Variants in EPHA1 observed in about 807,000 individuals in gnomAD.
EPHA1 encodes EPH receptor A1, also known as ephrin type-A receptor 1.
In EPHA1, 92 loss-of-function variants were observed where a neutral mutation model predicts 110.1. The observed-to-expected ratio is 0.84, with a 90% CI of 0.71 to 0.99. EPHA1 has a LOEUF of 0.99. Among genes scored for constraint, EPHA1 ranks in the 50% least tolerant of loss-of-function variants. The pLI, the probability that EPHA1 is intolerant of heterozygous loss-of-function variation, is 0.00. For missense variants in EPHA1, 1,204 were observed against 1,285.4 expected (o/e 0.94, Z 0.97); for synonymous variants, 500 against 516.1 (o/e 0.97, Z 0.42).
At chr7:143,397,407 T>C in intron 9 of EPHA1, 45 bp from the exon 10 acceptor site, 1 of 1,548,670 alleles carries the variant, frequency 6.5e-7, no homozygotes, top group South Asian at 1.2e-5. Context: ...CAGGACCACC[T>C]CAGGGGTCCG....
At chr7:143,392,963 A>G (rs1805133602) in intron 16 of EPHA1, among the ~76,000 whole-genome samples, 2 of 151,190 alleles carry the variant, frequency 1.3e-5, no homozygotes, top group Non-Finnish European at 3.0e-5. Context: ...AAAAACAACA[A>G]CTCTGCACTC....
At position 143,398,195 on chromosome 7, in the gene EPHA1, C is replaced by T. The variant is rs928038133; in HGVS notation, c.1465-125G>A. 6.3e-6 allele frequency: 10 copies of T among 1,575,004 alleles called. No individual in the cohort carries two copies. The African/African-American group carries it at 1.2e-4, about 19-fold the overall frequency. ...TGGTTAGGACAGGGTTCTTCATAGA[C>T]TTTTGTCCTGAGAAAGCCACACAGT... On this transcript the variant is annotated intron_variant, in intron 7 of 17. Coordinates refer to ENST00000275815, the MANE Select transcript of EPHA1 (RefSeq NM_005232.5).
At chr7:143,397,234 A>C in intron 10 of EPHA1, 70 bp downstream of exon 10, 1 of 1,456,990 alleles carries the variant, frequency 6.9e-7, no homozygotes, top group South Asian at 1.3e-5. Context: ...GGCATCTCCC[A>C]ACACACACAC....
Position 143,398,501 on chromosome 7 carries a change from T to C in EPHA1, c.1337-53A>G. 2.5e-6 allele frequency: 4 copies of C among 1,611,640 alleles called. No homozygotes were observed. In the South Asian group the frequency reaches 4.4e-5, roughly 18 times the overall value. On this transcript the variant is annotated intron_variant, in intron 6 of 17. Transcript: ENST00000275815. ...TATGTAAGGAAAAAGGAAATAACCT[T>C]AGTAACTTTTCTATGGCTTCCTGCC...
Position 143,401,679 on chromosome 7 carries a change from G to T in EPHA1, c.151-74C>A. 6.5e-7 allele frequency: 1 copy of T among 1,539,654 alleles called. No individual in the cohort carries two copies. Among genetic ancestry groups the T allele is most frequent in the South Asian group, 1.2e-5 (1 of 81,592 alleles). On this transcript the variant is annotated intron_variant, in intron 2 of 17. Coordinates refer to ENST00000275815, the MANE Select transcript of EPHA1 (RefSeq NM_005232.5). This position sits in a 1 kb window ranked among gnomAD's most constrained non-coding sequence, Gnocchi z 4.1. Reference sequence around the variant, plus strand: ...AAACCCTTGGTTTTTAGAGCTGATGGAGAAGCAGCTGTGTCAGAGCCCCTC... The same window carrying T: ...AAACCCTTGGTTTTTAGAGCTGATGTAGAAGCAGCTGTGTCAGAGCCCCTC...
In EPHA1 at chr7:143,397,331, G is replaced by A. The variant is rs574748801; in HGVS notation, c.1744C>T (p.Arg582Cys). 1.0e-5 allele frequency: 16 copies of A among 1,549,494 alleles called. No homozygotes were observed. The highest frequency in any genetic ancestry group is 2.0e-5 in the Admixed American group (1 of 50,994). Residue 582 changes from arginine (R) to cysteine (C), a missense_variant, in exon 10 of 18, where the codon CGT becomes TGT. Arg to Cys is a radical substitution (Grantham distance 180). Coordinates refer to ENST00000275815, the MANE Select transcript of EPHA1 (RefSeq NM_005232.5). Reference protein sequence around the residue: ...RAQRQRQQRQRDRATDVDRED... With the variant: ...RAQRQRQQRQCDRATDVDRED... ...CGATCCACATCGGTGGCGCGGTCAC[G>A]CTGCCTCTGCTGCCTCTGCCGCTGG...
rs369972132 is a variant in EPHA1, at chr7:143,395,745, T to C, written c.1898-241A>G. On this transcript the variant is annotated intron_variant, in intron 11 of 17. Transcript: ENST00000275815. This position sits in a 1 kb window ranked among gnomAD's most constrained non-coding sequence, Gnocchi z 4.7. ...TGTTTGCACAGTTCTTGGCTCACAATAGGCGCTCGGCAACTGCAGGGTGAA... is the reference window on the plus strand; with the variant it reads ...TGTTTGCACAGTTCTTGGCTCACAACAGGCGCTCGGCAACTGCAGGGTGAA... 9.0e-6 allele frequency: 5 copies of C among 555,388 alleles called. No individual in the cohort carries two copies. Among genetic ancestry groups the C allele is most frequent in the Non-Finnish European group, 1.3e-5 (4 of 311,588 alleles). 34.4% of individuals were successfully genotyped at this position (555,388 alleles called of 1,614,324 possible). A position where few individuals can be genotyped will look rare whatever the true frequency, so the allele number is the denominator to read the frequency against.
rs111459332 is a variant in EPHA1, at chr7:143,392,078, CCTGA to C, written c.2697-307_2697-304del. Among the ~76,000 whole-genome samples the C allele has an allele frequency of 2.1e-3, 324 of 152,284 alleles. 3 individuals are homozygous for C. The highest frequency in any genetic ancestry group is 7.3e-3 in the African/African-American group (305 of 41,548). ...CTGCTGGAGTGGCCGGTTCTGGGCACCTGACTGAGGGCTGGTTAAGACATGGAAG... is the reference window on the plus strand; with the variant it reads ...CTGCTGGAGTGGCCGGTTCTGGGCACCTGAGGGCTGGTTAAGACATGGAAG... On this transcript the variant is annotated intron_variant, in intron 16 of 17. Transcript: ENST00000275815.
At chr7:143,407,436 A>AC (rs1198359601) in intron 2 of EPHA1, among the ~76,000 whole-genome samples, 175 bp downstream of exon 2, 6 of 148,082 alleles carry the variant, frequency 4.1e-5, no homozygotes, top group Middle Eastern at 3.4e-3. Context: ...GTGAAGTCTG[A>AC]CCCCCCCACC....
intron 3 of EPHA1, among the ~76,000 whole-genome samples, chr7:143,400,441 C>T (rs1361717424): frequency 3.3e-5 from 5 of 152,162 alleles, no homozygotes; most frequent in African/African-American, 7.2e-5. Context: ...TAGAGCATAT[C>T]GTTATCAATT....
chr7:143,399,116 G>A, intron 5 of EPHA1, 142 bp downstream of exon 5: 2 of 1,248,394 alleles, frequency 1.6e-6, no homozygotes, highest in Non-Finnish European at 2.3e-6. Flanking sequence ...AGAGCAGGGT[G>A]CCAGGGCAGG....
At chr7:143,392,393 C>T (rs1222638241) in intron 16 of EPHA1, among the ~76,000 whole-genome samples, 4 of 152,114 alleles carry the variant, frequency 2.6e-5, no homozygotes, top group African/African-American at 9.7e-5. Context: ...GAGGGAGTTG[C>T]GCTCCAAAAG....
rs767549605 is a variant in EPHA1, at chr7:143,391,714, C to CA, written c.2757dup (p.Glu920Ter). 15 of 1,613,924 alleles carry CA rather than the reference C, an allele frequency of 9.3e-6. No individual in the cohort carries two copies. Among genetic ancestry groups the CA allele is most frequent in the Non-Finnish European group, 1.2e-5 (14 of 1,180,034 alleles). On this transcript the variant is annotated frameshift_variant, in exon 17 of 18. Transcript: ENST00000275815. LOFTEE classifies it high-confidence loss of function. ...TTCATGCGTATGGACTCGAGCCACT[C>CA]AGAGACGGTTCGATATGGGATCCCA...
Position 143,399,657 on chromosome 7 carries a change from A to T in EPHA1, c.829T>A (p.Cys277Ser), listed in dbSNP as rs1190425377. The T allele has an allele frequency of 1.9e-6, 3 of 1,613,122 alleles. No homozygotes were observed. Among genetic ancestry groups the T allele is most frequent in the East Asian group, 2.2e-5 (1 of 44,882 alleles). ...GYEEGGSGEA[C>S]VACPSGSYRM... Reference sequence around the variant, plus strand: ...TCACCGCCTCCGTTCTTACCAACACATGCTTCGCCACTGCCACCTTCCTCA... The same window carrying T: ...TCACCGCCTCCGTTCTTACCAACACTTGCTTCGCCACTGCCACCTTCCTCA... Residue 277 changes from cysteine (C) to serine (S), a missense_variant, in exon 4 of 18, where the codon TGT becomes AGT. Transcript: ENST00000275815.
rs56307701 is a variant in EPHA1, at chr7:143,391,499, G to A, written c.2889C>T (p.His963=). 2.3e-3 allele frequency: 3,744 copies of A among 1,614,164 alleles called. 88 individuals are homozygous for A. In the African/African-American group the frequency reaches 0.045, roughly 19 times the overall value. Residue 963 remains histidine, a synonymous_variant, in exon 18 of 18, where the codon CAC becomes CAT. Transcript: ENST00000275815. Reference sequence around the variant, plus strand: ...GAATACTGCAAAGAATGCGCTTCTGGTGCCCGGGCAGTGTGATTCCCATCT... The same window carrying A: ...GAATACTGCAAAGAATGCGCTTCTGATGCCCGGGCAGTGTGATTCCCATCT... ...LTQMGITLPG[H]QKRILCSIQG...
rs56124846 is a variant in EPHA1 at position 143,393,751 on chromosome 7, G to A, written c.2616C>T (p.His872=). Residue 872 remains histidine (H), a synonymous_variant, in exon 16 of 18, where the codon CAC becomes CAT. Coordinates refer to ENST00000275815, the MANE Select transcript of EPHA1 (RefSeq NM_005232.5). This position sits in a 1 kb window ranked among gnomAD's most constrained non-coding sequence, Gnocchi z 5.6. ...CWAYDRARRP[H]FQKLQAHLEQ... ...CCAGATGTGCCTGAAGCTTCTGGAAGTGTGGCCGGCGGGCACGGTCATATG... is the reference window on the plus strand; with the variant it reads ...CCAGATGTGCCTGAAGCTTCTGGAAATGTGGCCGGCGGGCACGGTCATATG... The A allele has an allele frequency of 8.1e-4, 1,308 of 1,613,854 alleles. 2 individuals carry two copies. Among genetic ancestry groups the A allele is most frequent in the Middle Eastern group, 1.2e-3 (7 of 6,056 alleles).
intron 2 of EPHA1, among the ~76,000 whole-genome samples, chr7:143,403,902 T>A (rs1277236192): frequency 2.0e-5 from 3 of 152,230 alleles, no homozygotes; most frequent in African/African-American, 4.8e-5. Flanking sequence ...CTCAGTTGGA[T>A]GAGTTTCTTT....
chr7:143,407,625 G>A lies in EPHA1; in HGVS notation c.136C>T (p.Pro46Ser), dbSNP rs571770871. 14 of 1,613,202 alleles carry A rather than the reference G, an allele frequency of 8.7e-6. No individual in the cohort carries two copies. In the African/African-American group the frequency reaches 1.3e-4, roughly 15 times the overall value. The change falls in exon 2 of 18, where the codon CCC becomes TCC. Residue 46 changes from proline (P) to serine (S), a missense_variant. Coordinates refer to ENST00000275815, the MANE Select transcript of EPHA1 (RefSeq NM_005232.5). ...AQGELGWLLD[P>S]PKDGWSEQQQ... ...CCGACACTTACCCCATCTTTTGGGGGATCCAGCAGCCAGCCCAGCTCTCCC... is the reference window on the plus strand; with the variant it reads ...CCGACACTTACCCCATCTTTTGGGGAATCCAGCAGCCAGCCCAGCTCTCCC...
Position 143,397,919 on chromosome 7 carries a change from C to T in EPHA1, c.1615+1G>A. ...TTGGGGCAGAGCACAAGATACCCCA[C>T]CTGGTGGGCTGGTCCGAAACTCATG... On this transcript the variant is annotated splice_donor_variant, in intron 8 of 17. Coordinates refer to ENST00000275815, the MANE Select transcript of EPHA1 (RefSeq NM_005232.5). LOFTEE classifies it high-confidence loss of function. The T allele has an allele frequency of 1.9e-6, 3 of 1,613,848 alleles. No individual in the cohort carries two copies. The highest frequency in any genetic ancestry group is 2.5e-6 in the Non-Finnish European group (3 of 1,179,822).
Sources: gnomAD v4.1 joint callset for allele counts (sites outside exome capture counted in the v4.1 genomes callset) on GRCh38, gnomAD v4.1.1 for gene constraint, Gnocchi (gnomAD v3.1) non-coding constraint, MANE v1.5 for transcripts, NCBI Gene and HGNC (gene_info 2026-07-23, HGNC 2026-07-21) for gene names.